The following TEX15 variants were observed in gnomAD, a reference collection of about 807,000 sequenced individuals.
The protein encoded by TEX15 is testis expressed 15, meiosis and synapsis associated, also known as testis-expressed protein 15.
TEX15 carries 171 observed loss-of-function variants against 237.3 expected under a neutral mutation model. The ratio of observed to expected loss-of-function variants is 0.72; its 90% confidence interval spans 0.64 to 0.82. The LOEUF (loss-of-function observed/expected upper bound fraction) is 0.82. Among genes scored for constraint, TEX15 ranks in the 40% least tolerant of loss-of-function variants. TEX15 has a pLI of 0.00. For missense variants in TEX15, 3,750 were observed against 3,646.5 expected (o/e 1.03, Z -0.73); for synonymous variants, 1,338 against 1,269.8 (o/e 1.05, Z -1.14).
rs769480625 is a variant in TEX15 at position 30,845,191 on chromosome 8, T to C, written c.4976A>G (p.Lys1659Arg). Reference protein sequence around the residue: ...VLISVLDSNVKHFLNDLYQQG... With the variant: ...VLISVLDSNVRHFLNDLYQQG... Reference sequence around the variant, plus strand: ...TTGGTAGAGATCATTTAAAAAGTGCTTCACATTTGAATCTAAGACTGATAT... The same window carrying C: ...TTGGTAGAGATCATTTAAAAAGTGCCTCACATTTGAATCTAAGACTGATAT... The change falls in exon 8 of 11, where the codon AAG (lysine) becomes AGG (arginine). Residue 1659 changes from lysine (K) to arginine (R), a missense_variant. Transcript: ENST00000643185. 24 of 1,613,450 alleles carry C rather than the reference T, an allele frequency of 1.5e-5. No individual in the cohort carries two copies. Among genetic ancestry groups the C allele is most frequent in the Non-Finnish European group, 1.9e-5 (23 of 1,179,550 alleles).
chr8:30,879,006 CATATGCA>C (rs1210813245), intron 3 of TEX15, among the ~76,000 whole-genome samples: 1 of 152,162 alleles, frequency 6.6e-6, no homozygotes, highest in East Asian at 1.9e-4. Context: ...TTGTGGTTTT[CATATGCA>C]TTTCCTTAAT....
chr8:30,887,438 G>A, intron 2 of TEX15, 127 bp from the exon 3 acceptor site: 1 of 921,764 alleles, frequency 1.1e-6, no homozygotes, highest in Non-Finnish European at 1.5e-6. Context: ...CTGTCAGAAA[G>A]TTTCCATCTC....
chr8:30,876,373 G>T (rs769992253), intron 3 of TEX15, among the ~76,000 whole-genome samples: 2 of 152,060 alleles, frequency 1.3e-5, no homozygotes, highest in Admixed American at 6.6e-5. Context: ...GCCAAGAAGG[G>T]TTTAACATTT....
intron 2 of TEX15, among the ~76,000 whole-genome samples, chr8:30,897,897 C>G (rs551419044): frequency 6.6e-6 from 1 of 152,154 alleles, no homozygotes; most frequent in Non-Finnish European, 1.5e-5. Flanking sequence ...CTCCTCACCT[C>G]AAGCAATCCT....
chr8:30,895,379 A>C (rs1456240852), intron 2 of TEX15, among the ~76,000 whole-genome samples: 1 of 151,814 alleles, frequency 6.6e-6, no homozygotes, highest in Non-Finnish European at 1.5e-5. Flanking sequence ...GTAAAGTTAA[A>C]TAATACATTG....
intron 7 of TEX15, among the ~76,000 whole-genome samples, chr8:30,858,347 C>T (rs1388028952): frequency 6.6e-6 from 1 of 151,026 alleles, no homozygotes; most frequent in African/African-American, 2.4e-5. Context: ...AGGTCTCCCT[C>T]TGTCACCTAG....
rs1378682894 is a variant in TEX15, at chr8:30,845,619, T to C, written c.4548A>G (p.Glu1516=). 3 of 1,613,494 alleles carry C rather than the reference T, an allele frequency of 1.9e-6. No homozygotes were observed. The highest frequency in any genetic ancestry group is 2.7e-5 in the African/African-American group (2 of 74,900). The change falls in exon 8 of 11, where the codon GAA becomes GAG. Residue 1516 remains glutamate, a synonymous_variant. Transcript: ENST00000643185. ...MGEFCNQEHP[E]SQLPVSSTSQ... ...ATGTGGAGGATACAGGCAACTGTGA[T>C]TCAGGATGTTCTTGATTACAAAATT... is the stretch of plus-strand genomic sequence containing the variant.
At chr8:30,838,602 A>G (rs549032233) in intron 9 of TEX15, among the ~76,000 whole-genome samples, 5 of 151,448 alleles carry the variant, frequency 3.3e-5, no homozygotes, top group Non-Finnish European at 7.4e-5. Flanking sequence ...ATTATTAGCT[A>G]AATTCAGACA....
chr8:30,834,328 ACAC>A lies in TEX15; in HGVS notation c.9482-1008_9482-1006del, dbSNP rs369055172. ...GCTGGGATTACAGGCATGTGCCACC[ACAC>A]CTGGCTAATTTTGTATTTTTAGTAG... On this transcript the variant is annotated intron_variant, in intron 10 of 10. Transcript: ENST00000643185. 6.1e-3 allele frequency among the ~76,000 whole-genome samples: 932 copies of A among 152,194 alleles called. 12 individuals carry two copies. The highest frequency in any genetic ancestry group is 0.021 in the African/African-American group (882 of 41,512).
At chr8:30,838,422 A>T (rs1284080615) in intron 9 of TEX15, among the ~76,000 whole-genome samples, 1 of 152,032 alleles carries the variant, frequency 6.6e-6, no homozygotes, top group Admixed American at 6.6e-5. Flanking sequence ...GATCTTCATT[A>T]CTTGTAAATA....
chr8:30,849,017 T>A lies in TEX15; in HGVS notation c.1150A>T (p.Met384Leu), dbSNP rs748060923. ...VLAHDSDISL[M>L]PSDAKDSVNG... ...ACACTGTCTTTGGCATCACTGGGCA[T>A]AAGTGAAATGTCTGAATCATGTGCA... Residue 384 changes from methionine (M) to leucine (L), a missense_variant, in exon 8 of 11, where the codon ATG becomes TTG. Physicochemically the swap from Met to Leu is conservative, Grantham distance 15. Transcript: ENST00000643185. 6.2e-7 allele frequency: 1 copy of A among 1,614,208 alleles called. No individual in the cohort carries two copies. Among genetic ancestry groups the A allele is most frequent in the Non-Finnish European group, 8.5e-7 (1 of 1,180,028 alleles).
chr8:30,896,807 G>C (rs1270862691), intron 2 of TEX15, among the ~76,000 whole-genome samples: 2 of 152,082 alleles, frequency 1.3e-5, no homozygotes, highest in Admixed American at 6.5e-5. Flanking sequence ...CTTAGTATCT[G>C]GATAAAAGTA....
chr8:30,911,981 G>A (rs915901822), intron 1 of TEX15, among the ~76,000 whole-genome samples: 1 of 152,178 alleles, frequency 6.6e-6, no homozygotes, highest in African/African-American at 2.4e-5. Flanking sequence ...AGAGCCACCA[G>A]GGCGAAGCAG....
At chr8:30,873,297 C>T (rs1808332496) in intron 4 of TEX15, among the ~76,000 whole-genome samples, 1 of 152,114 alleles carries the variant, frequency 6.6e-6, no homozygotes, top group Non-Finnish European at 1.5e-5. Flanking sequence ...GGATTAATTA[C>T]CTATTTCAAG....
At position 30,904,236 on chromosome 8, in the gene TEX15, C is replaced by A. The variant is rs562092830; in HGVS notation, c.-85-5419G>T. Reference sequence around the variant, plus strand: ...CTCAGGTGGGTGGATCAACTGAGGTCAGGAGTTTGAGACCAGCCTGGCCAA... The same window carrying A: ...CTCAGGTGGGTGGATCAACTGAGGTAAGGAGTTTGAGACCAGCCTGGCCAA... On this transcript the variant is annotated intron_variant, in intron 1 of 10. Coordinates refer to ENST00000643185, the MANE Select transcript of TEX15 (RefSeq NM_001350162.2). Among the ~76,000 whole-genome samples the A allele has an allele frequency of 3.9e-5, 6 of 152,280 alleles. No homozygotes were observed. The South Asian group carries it at 1.2e-3, about 32-fold the overall frequency.
chr8:30,840,013 T>A, intron 8 of TEX15, 49 bp from the exon 9 acceptor site: 1 of 1,098,788 alleles, frequency 9.1e-7, no homozygotes, highest in Non-Finnish European at 1.3e-6. Context: ...TGACAAACTA[T>A]AATAAAAATA....
At chr8:30,863,868 A>G (rs1447823404) in intron 5 of TEX15, among the ~76,000 whole-genome samples, 1 of 152,088 alleles carries the variant, frequency 6.6e-6, no homozygotes, top group African/African-American at 2.4e-5. Context: ...GATGATTTCC[A>G]GAGTTACCAC....
At position 30,844,040 on chromosome 8, in the gene TEX15, C is replaced by G. The variant is rs760194002; in HGVS notation, c.6127G>C (p.Glu2043Gln). 5.0e-6 allele frequency: 8 copies of G among 1,611,510 alleles called. No homozygotes were observed. The Admixed American group carries it at 1.3e-4, about 27-fold the overall frequency. ...AGTTCTCTTGAAATCAGGATTTGTT[C>G]AACTGAACATTCTTGCTTTCTTTCA... Reference protein sequence around the residue: ...AFERKQECSVEQILISRELLV... With the variant: ...AFERKQECSVQQILISRELLV... The change falls in exon 8 of 11, where the codon GAA becomes CAA. Residue 2043 changes from glutamate to glutamine, a missense_variant. By Grantham distance (29) the Glu-to-Gln change is conservative. Coordinates refer to ENST00000643185, the MANE Select transcript of TEX15 (RefSeq NM_001350162.2).
chr8:30,892,335 C>T (rs1355230454), intron 2 of TEX15, among the ~76,000 whole-genome samples: 3 of 152,066 alleles, frequency 2.0e-5, no homozygotes, highest in Admixed American at 1.3e-4. Context: ...GGCTCTGTTT[C>T]ATTGGTGTCT....
Sources: allele counts gnomAD v4.1 joint callset (sites outside exome capture counted in the v4.1 genomes callset), GRCh38; gene constraint gnomAD v4.1.1; transcripts MANE v1.5; gene names NCBI Gene and HGNC (gene_info 2026-07-23, HGNC 2026-07-21).